Variants in SLMAP observed in about 807,000 individuals in gnomAD.
The protein encoded by SLMAP is sarcolemmal membrane-associated protein.
A neutral mutation model predicts 128.8 loss-of-function variants in SLMAP; 44 were observed. The ratio of observed to expected loss-of-function variants is 0.34; its 90% CI spans 0.27 to 0.44. The LOEUF (loss-of-function observed/expected upper bound fraction) is 0.44. Among genes scored for constraint, SLMAP ranks in the 20% least tolerant of loss-of-function variants. The probability of loss-of-function intolerance (pLI) is 1.00; values close to 1 mark genes in which losing one functional copy is unlikely to be tolerated. For synonymous variants in SLMAP, 327 were observed against 348.8 expected (o/e 0.94, Z 0.70); for missense variants, 787 against 985.3 (o/e 0.80, Z 2.69).
chr3:57,913,235 C>T lies in SLMAP; in HGVS notation c.2098C>T (p.Leu700=), dbSNP rs2096736443. The T allele has an allele frequency of 6.3e-7, 1 of 1,595,866 alleles. No individual in the cohort carries two copies. The highest frequency in any genetic ancestry group is 1.7e-5 in the Admixed American group (1 of 59,858). Residue 700 remains leucine, a synonymous_variant, in exon 21 of 25, where the codon CTA becomes TTA. Coordinates refer to ENST00000671191, the MANE Select transcript of SLMAP (RefSeq NM_001377540.1). ...TTCTCTAAAAAGGGAAAATGTTTTGCTATCATCAGAACTGCAACGGCAAGA... is the reference window on the plus strand; with the variant it reads ...TTCTCTAAAAAGGGAAAATGTTTTGTTATCATCAGAACTGCAACGGCAAGA... ...CHSLKRENVL[L]SSELQRQEKE...
intron 14 of SLMAP, among the ~76,000 whole-genome samples, chr3:57,876,359 A>T (rs1295856888): frequency 6.6e-6 from 1 of 152,218 alleles, no homozygotes; most frequent in Non-Finnish European, 1.5e-5. Flanking sequence ...TTAAAGAAAA[A>T]CTTCTCTTTT....
chr3:57,803,426 G>A (rs1430710482), intron 2 of SLMAP, among the ~76,000 whole-genome samples: 1 of 152,158 alleles, frequency 6.6e-6, no homozygotes, highest in Non-Finnish European at 1.5e-5. Flanking sequence ...TCAAATTAGT[G>A]CTAGTGCTAG....
chr3:57,797,452 C>T (rs1394620342), intron 2 of SLMAP, among the ~76,000 whole-genome samples: 2 of 150,862 alleles, frequency 1.3e-5, no homozygotes, highest in Non-Finnish European at 3.0e-5. Flanking sequence ...CCATTGCACT[C>T]CAGCCTGGGC....
At chr3:57,786,940 G>T (rs1022247527) in intron 2 of SLMAP, among the ~76,000 whole-genome samples, 1 of 152,030 alleles carries the variant, frequency 6.6e-6, no homozygotes, top group Non-Finnish European at 1.5e-5. Context: ...GTTTCACCAT[G>T]TTAGCCAGGA....
intron 23 of SLMAP, among the ~76,000 whole-genome samples, chr3:57,924,152 T>C (rs2096961878): frequency 6.6e-6 from 1 of 152,184 alleles, no homozygotes; most frequent in Non-Finnish European, 1.5e-5. Context: ...CTCCCCATAC[T>C]ATTTAGAACC....
At chr3:57,849,950 G>T in intron 6 of SLMAP, 134 bp downstream of exon 6, 3 of 614,992 alleles carry the variant, frequency 4.9e-6, no homozygotes, top group Non-Finnish European at 8.6e-6. Flanking sequence ...TAGGCAGAAG[G>T]ATTCTTTGAG....
chr3:57,760,636 G>C (rs565122275), intron 2 of SLMAP, among the ~76,000 whole-genome samples: 1 of 152,124 alleles, frequency 6.6e-6, no homozygotes, highest in East Asian at 1.9e-4. Context: ...CACGAGGGTT[G>C]CTTGAGCCCA....
chr3:57,786,497 A>T (rs2084133225), intron 2 of SLMAP, among the ~76,000 whole-genome samples: 1 of 152,084 alleles, frequency 6.6e-6, no homozygotes, highest in Non-Finnish European at 1.5e-5. Flanking sequence ...GAGTACAGTA[A>T]TACATTCTAC....
intron 14 of SLMAP, among the ~76,000 whole-genome samples, chr3:57,885,537 A>AGCCTACCGAGTAGCTGGGATTACAGGC (rs2095859072): frequency 6.8e-6 from 1 of 146,568 alleles, no homozygotes; most frequent in South Asian, 2.1e-4. Context: ...CTCCTGCGTC[A>AGCCTACCGAGTAGCTGGGATTACAGGC]GCCTACCGAG....
At chr3:57,878,207 T>C (rs754836686) in intron 14 of SLMAP, among the ~76,000 whole-genome samples, 3 of 152,152 alleles carry the variant, frequency 2.0e-5, no homozygotes, top group Non-Finnish European at 4.4e-5. Flanking sequence ...CAACATCTTC[T>C]ATAGCAAGAG....
intron 2 of SLMAP, among the ~76,000 whole-genome samples, chr3:57,802,141 T>C (rs1009980266): frequency 2.6e-5 from 4 of 152,212 alleles, no homozygotes; most frequent in African/African-American, 9.6e-5. Context: ...TTTTTTGTCA[T>C]TCTATACAGT....
At chr3:57,864,776 A>G (rs1215647960) in intron 11 of SLMAP, 31 bp from the exon 12 acceptor site, 2 of 1,536,768 alleles carry the variant, frequency 1.3e-6, no homozygotes, top group Admixed American at 2.1e-5. Context: ...TCTGTGAAAT[A>G]TCTTTTTTTT....
intron 9 of SLMAP, among the ~76,000 whole-genome samples, 191 bp downstream of exon 9, chr3:57,861,030 T>C (rs1046886420): frequency 6.6e-6 from 1 of 152,204 alleles, no homozygotes; most frequent in Admixed American, 6.6e-5. Context: ...ACTTACTCCC[T>C]AGTCAATGGC....
chr3:57,759,035 A>G (rs1486347520), intron 2 of SLMAP, among the ~76,000 whole-genome samples: 5 of 152,232 alleles, frequency 3.3e-5, no homozygotes, highest in African/African-American at 1.2e-4. Context: ...AAAAAATGAT[A>G]CTTCGGCAGC....
At chr3:57,830,494 T>C (rs1336681938) in intron 2 of SLMAP, among the ~76,000 whole-genome samples, 1 of 152,184 alleles carries the variant, frequency 6.6e-6, no homozygotes, top group African/African-American at 2.4e-5. Context: ...AAGGTACGTC[T>C]TTTTTTACTG....
At chr3:57,912,811 G>A (rs2096728657) in intron 20 of SLMAP, 110 bp downstream of exon 20, 3 of 728,420 alleles carry the variant, frequency 4.1e-6, no homozygotes, top group Non-Finnish European at 6.3e-6. Flanking sequence ...GCTATCAGTT[G>A]TATAAACCAA....
intron 21 of SLMAP, among the ~76,000 whole-genome samples, chr3:57,916,080 C>T (rs998106841): frequency 1.3e-5 from 2 of 150,764 alleles, no homozygotes; most frequent in Non-Finnish European, 3.0e-5. Context: ...CACTTGAACC[C>T]GGGAGGCAGA....
Position 57,868,935 on chromosome 3 carries a change from TTATATGTGTGTATTATATATAA to T in SLMAP, c.1238-2673_1238-2652del, listed in dbSNP as rs1396994801. On this transcript the variant is annotated intron_variant, in intron 13 of 24. Transcript: ENST00000671191. ...TGTATTATATATAATATAATATATG[TTATATGTGTGTATTATATATAA>T]TATATGTGTGTATTATATATAATAT... Among the ~76,000 whole-genome samples, 638 of 136,614 alleles carry T rather than the reference TTATATGTGTGTATTATATATAA, an allele frequency of 4.7e-3. 20 individuals are homozygous for T. Among genetic ancestry groups the T allele is most frequent in the Admixed American group, 0.042 (516 of 12,296 alleles). 89.6% of individuals were successfully genotyped at this position (136,614 alleles called of 152,430 possible).
Position 57,795,321 on chromosome 3 carries a change from C to T in SLMAP, c.199-36062C>T, listed in dbSNP as rs374621372. ...GTGGGAAGCTGAGGCGGGCGGATCA[C>T]GAGTTCAGGAGTTTGAGACCAGCCT... On this transcript the variant is annotated intron_variant, in intron 2 of 24. Transcript: ENST00000671191. Among the ~76,000 whole-genome samples the T allele has an allele frequency of 2.2e-3, 335 of 151,962 alleles. 1 individual carries two copies. Among genetic ancestry groups the T allele is most frequent in the African/African-American group, 7.7e-3 (318 of 41,286 alleles).
Sources: gnomAD v4.1 joint callset for allele counts (sites outside exome capture counted in the v4.1 genomes callset) on GRCh38, gnomAD v4.1.1 for gene constraint, MANE v1.5 for transcripts, NCBI Gene and HGNC (gene_info 2026-07-23, HGNC 2026-07-21) for gene names.